NCOA2: variants seen among roughly 807,000 people sequenced by gnomAD.
NCOA2 encodes the protein class E basic helix-loop-helix protein 75.
In NCOA2, 21 loss-of-function variants were observed where a neutral mutation model predicts 145.1. The ratio of observed to expected loss-of-function variants is 0.14; its 90% CI spans 0.10 to 0.21. The LOEUF (loss-of-function observed/expected upper bound fraction) is 0.21. NCOA2 is among the 10% of genes least tolerant of loss of function. The pLI, the probability that NCOA2 is intolerant of heterozygous loss-of-function variation, is 1.00. For synonymous variants in NCOA2, 619 were observed against 637.5 expected, an observed-to-expected ratio of 0.97 and a Z score of 0.44; for missense variants, 1,472 against 1,837.6, an observed-to-expected ratio of 0.80 and a Z score of 3.64.
chr8:70,127,074 A>G, intron 18 of NCOA2, 27 bp from the exon 19 acceptor site: 1 of 1,519,062 alleles, frequency 6.6e-7, no homozygotes, highest in South Asian at 1.2e-5. Context: ...CACATGGAGG[A>G]AAATGTCGGG....
chr8:70,430,787 G>T, the NCOA2 span, among the ~76,000 whole-genome samples: 1 of 152,150 alleles, frequency 6.6e-6, no homozygotes, highest in Non-Finnish European at 1.5e-5. Context: ...CCTGAGTAAT[G>T]ATTTTGCCGA....
chr8:70,230,497 A>G (rs1821039683), intron 2 of NCOA2, among the ~76,000 whole-genome samples: 1 of 152,230 alleles, frequency 6.6e-6, no homozygotes, highest in South Asian at 2.1e-4. Context: ...AAGCTATCAT[A>G]TGAAACAAAA....
At chr8:70,242,735 A>G (rs998848281) in intron 2 of NCOA2, among the ~76,000 whole-genome samples, 8 of 152,076 alleles carry the variant, frequency 5.3e-5, no homozygotes, top group African/African-American at 1.9e-4. Flanking sequence ...AAATCTTCCC[A>G]AACTTTTACC....
At chr8:70,310,203 A>G (rs2135990115) in intron 1 of NCOA2, among the ~76,000 whole-genome samples, 1 of 151,718 alleles carries the variant, frequency 6.6e-6, no homozygotes, top group South Asian at 2.1e-4. Flanking sequence ...TTAGCTAGGT[A>G]TGGTGCGGGG....
intron 1 of NCOA2, among the ~76,000 whole-genome samples, chr8:70,383,793 C>G (rs1340382566): frequency 6.6e-6 from 1 of 152,204 alleles, no homozygotes; most frequent in Non-Finnish European, 1.5e-5. Flanking sequence ...GCGTGAGCCA[C>G]CGTGCCTGGC....
chr8:70,345,550 G>C (rs1404524820), intron 1 of NCOA2, among the ~76,000 whole-genome samples: 1 of 152,134 alleles, frequency 6.6e-6, no homozygotes, highest in Non-Finnish European at 1.5e-5. Context: ...TTAAAATGAT[G>C]AATCATTCAT....
intron 8 of NCOA2, 83 bp downstream of exon 8, chr8:70,163,382 T>C: frequency 1.0e-6 from 1 of 954,474 alleles, no homozygotes. Context: ...ATCCTTACAG[T>C]CTTCTAAATA....
At chr8:70,159,242 A>ATATTTTTTTTTTTTT in intron 10 of NCOA2, among the ~76,000 whole-genome samples, 4 of 61,076 alleles carry the variant, frequency 6.5e-5, no homozygotes, top group African/African-American at 2.2e-4. Context: ...ATATATATAT[A>ATATTTTTTTTTTTTT]TTTTTTTTTT....
At chr8:70,234,834 C>T (rs946371526) in intron 2 of NCOA2, among the ~76,000 whole-genome samples, 3 of 152,184 alleles carry the variant, frequency 2.0e-5, no homozygotes, top group African/African-American at 7.2e-5. Flanking sequence ...CAAAATGTCA[C>T]TAACTCACTA....
At chr8:70,211,324 T>C (rs563976508) in intron 4 of NCOA2, among the ~76,000 whole-genome samples, 1 of 152,116 alleles carries the variant, frequency 6.6e-6, no homozygotes, top group African/African-American at 2.4e-5. Context: ...CTGGACGTGG[T>C]GGCGCATGCC....
intron 4 of NCOA2, among the ~76,000 whole-genome samples, chr8:70,177,024 C>T (rs547301607): frequency 1.3e-5 from 2 of 152,302 alleles, no homozygotes; most frequent in South Asian, 4.1e-4. Context: ...TTCAGTGTTG[C>T]AGCAGTCCAC....
chr8:70,201,375 G>A (rs574826461), intron 4 of NCOA2, among the ~76,000 whole-genome samples: 17 of 152,276 alleles, frequency 1.1e-4, no homozygotes, highest in Non-Finnish European at 1.8e-4. Flanking sequence ...TAATCTCCAA[G>A]TCCAGAACTG....
intron 2 of NCOA2, among the ~76,000 whole-genome samples, chr8:70,248,530 C>T (rs1451732742): frequency 1.3e-5 from 2 of 152,118 alleles, no homozygotes; most frequent in African/African-American, 4.8e-5. Flanking sequence ...CGAGACGCAT[C>T]CATATTACTG....
At chr8:70,307,495 C>T (rs1356844749) in intron 1 of NCOA2, among the ~76,000 whole-genome samples, 1 of 152,192 alleles carries the variant, frequency 6.6e-6, no homozygotes, top group Non-Finnish European at 1.5e-5. Context: ...TTCATGCTTT[C>T]ATTTTGATGA....
At chr8:70,302,984 A>T (rs2135867171) in intron 1 of NCOA2, among the ~76,000 whole-genome samples, 1 of 152,300 alleles carries the variant, frequency 6.6e-6, no homozygotes, top group East Asian at 1.9e-4. Flanking sequence ...ATTCCTTTCC[A>T]TCTTGTCTCT....
chr8:70,364,192 C>A (rs1810463770), intron 1 of NCOA2, among the ~76,000 whole-genome samples: 1 of 151,744 alleles, frequency 6.6e-6, no homozygotes, highest in African/African-American at 2.4e-5. Context: ...CTGTTAATCC[C>A]AACACCAAAT....
chr8:70,165,592 G>A (rs1017994110), intron 7 of NCOA2, among the ~76,000 whole-genome samples: 1 of 152,156 alleles, frequency 6.6e-6, no homozygotes, highest in Admixed American at 6.5e-5. Context: ...CTGTGTGGAC[G>A]GCTTGCCTAG....
At chr8:70,264,820 T>C (rs1265797077) in intron 2 of NCOA2, among the ~76,000 whole-genome samples, 3 of 150,802 alleles carry the variant, frequency 2.0e-5, no homozygotes, top group Non-Finnish European at 4.4e-5. Flanking sequence ...TGCAACTACA[T>C]AGATATTATC....
intron 2 of NCOA2, among the ~76,000 whole-genome samples, chr8:70,255,508 G>A (rs191390553): frequency 1.3e-5 from 2 of 152,260 alleles, no homozygotes; most frequent in East Asian, 3.9e-4. Context: ...ATTTTACTGT[G>A]TAATACAGTA....
Sources: gnomAD v4.1 joint callset for allele counts (sites outside exome capture counted in the v4.1 genomes callset) on GRCh38, gnomAD v4.1.1 for gene constraint, MANE v1.5 for transcripts, NCBI Gene and HGNC (gene_info 2026-07-23, HGNC 2026-07-21) for gene names.